NXPE4: variants seen among roughly 807,000 people sequenced by gnomAD.
The protein encoded by NXPE4 is NXPE family member 4.
A neutral mutation model predicts 33.3 loss-of-function variants in NXPE4; 42 were observed. The ratio of observed to expected loss-of-function variants is 1.26; its 90% CI spans 0.98 to 1.63. The LOEUF is 1.63. NXPE4 is among the 40% of genes most tolerant of loss of function. NXPE4 has a pLI of 0.00. For synonymous variants in NXPE4, 253 were observed against 234.9 expected, an observed-to-expected ratio of 1.08 and a Z score of -0.71; for missense variants, 709 against 647.6, an observed-to-expected ratio of 1.09 and a Z score of -1.03.
chr11:114,662,039 A>C, the NXPE4 span, among the ~76,000 whole-genome samples: 33 of 152,290 alleles, frequency 2.2e-4, no homozygotes, highest in African/African-American at 7.5e-4. Flanking sequence ...CCGCAAGGAC[A>C]CCAATTTAAC....
the NXPE4 span, among the ~76,000 whole-genome samples, chr11:114,651,493 G>C: frequency 1.3e-5 from 2 of 152,204 alleles, no homozygotes; most frequent in East Asian, 3.8e-4. Flanking sequence ...TTATTGCAAA[G>C]AGCAAAAGAA....
the NXPE4 span, among the ~76,000 whole-genome samples, chr11:114,645,999 G>C: frequency 1.3e-5 from 2 of 152,028 alleles, no homozygotes; most frequent in Non-Finnish European, 1.5e-5. Context: ...ATATCTATTG[G>C]TTAGTACTTC....
At chr11:114,620,169 C>A in the NXPE4 span, among the ~76,000 whole-genome samples, 1 of 151,952 alleles carries the variant, frequency 6.6e-6, no homozygotes, top group Admixed American at 6.6e-5. Flanking sequence ...TAAATATTGC[C>A]TCATGGGTAA....
At chr11:114,671,876 C>T in the NXPE4 span, among the ~76,000 whole-genome samples, 1 of 151,954 alleles carries the variant, frequency 6.6e-6, no homozygotes, top group Admixed American at 6.6e-5. Context: ...TTAGTCTGTT[C>T]TCACACTGCT....
chr11:114,639,640 A>G, the NXPE4 span, among the ~76,000 whole-genome samples: 1 of 144,906 alleles, frequency 6.9e-6, no homozygotes. Context: ...TATTACATAT[A>G]ATTTATTTAT....
chr11:114,673,809 T>C, the NXPE4 span, among the ~76,000 whole-genome samples: 65 of 151,908 alleles, frequency 4.3e-4, 3 homozygotes, highest in East Asian at 9.5e-3. Context: ...CCCACAAAGA[T>C]AGGAAGCCAC....
chr11:114,574,365 G>T (rs1293641701), intron 5 of NXPE4, among the ~76,000 whole-genome samples: 1 of 151,834 alleles, frequency 6.6e-6, no homozygotes, highest in Non-Finnish European at 1.5e-5. Flanking sequence ...GATCAGAGCA[G>T]AAGTAAATGA....
chr11:114,571,353 G>A lies in NXPE4; in HGVS notation c.1220C>T (p.Thr407Ile), dbSNP rs948191602. ...KYCYPLIGSMTYSVKEMEYLT... is the reference protein window; with the variant it reads ...KYCYPLIGSMIYSVKEMEYLT... ...GTACTCCATCTCTTTGACTGAATAG[G>A]TCATTGATCCTATCAAGGGATAACA... Residue 407 changes from threonine (T) to isoleucine (I), a missense_variant, in exon 6 of 6, where the codon ACC becomes ATC. Coordinates refer to ENST00000375478, the MANE Select transcript of NXPE4 (RefSeq NM_001077639.2). 7.4e-6 allele frequency: 12 copies of A among 1,613,864 alleles called. No homozygotes were observed. The highest frequency in any genetic ancestry group is 3.3e-4 in the Middle Eastern group (2 of 6,078).
chr11:114,640,355 T>C, the NXPE4 span, among the ~76,000 whole-genome samples: 2 of 149,522 alleles, frequency 1.3e-5, no homozygotes, highest in Non-Finnish European at 3.0e-5. Context: ...AAATGTAGCA[T>C]ATATATGCTA....
the NXPE4 span, among the ~76,000 whole-genome samples, chr11:114,607,539 T>G: frequency 6.6e-6 from 1 of 152,022 alleles, no homozygotes; most frequent in South Asian, 2.1e-4. Flanking sequence ...TGTTACCCGG[T>G]AGATAATAAG....
chr11:114,670,393 A>AATT, the NXPE4 span, among the ~76,000 whole-genome samples: 1 of 151,974 alleles, frequency 6.6e-6, no homozygotes, highest in African/African-American at 2.4e-5. Flanking sequence ...AGCCCAGCCC[A>AATT]ATTACTAAAC....
the NXPE4 span, among the ~76,000 whole-genome samples, chr11:114,640,518 T>C: frequency 1.3e-5 from 2 of 151,758 alleles, no homozygotes; most frequent in Non-Finnish European, 2.9e-5. Context: ...TTATAGTTCT[T>C]TGAGAAACCT....
the NXPE4 span, among the ~76,000 whole-genome samples, chr11:114,664,955 G>A: frequency 6.6e-6 from 1 of 152,124 alleles, no homozygotes; most frequent in African/African-American, 2.4e-5. Flanking sequence ...AAGCTATGAT[G>A]TTTGGTAGGT....
the NXPE4 span, among the ~76,000 whole-genome samples, chr11:114,654,342 A>AT: frequency 1.2e-4 from 18 of 148,752 alleles, no homozygotes; most frequent in Admixed American, 2.7e-4. Flanking sequence ...GATCCCAACT[A>AT]TTTTTTTTTT....
chr11:114,591,765 A>G (rs993630251), intron 2 of NXPE4, among the ~76,000 whole-genome samples: 12 of 152,202 alleles, frequency 7.9e-5, no homozygotes, highest in Non-Finnish European at 1.8e-4. Context: ...AGGCCCCTGT[A>G]TGATGTTTGC....
At chr11:114,656,803 T>A in the NXPE4 span, among the ~76,000 whole-genome samples, 1 of 152,046 alleles carries the variant, frequency 6.6e-6, no homozygotes, top group Non-Finnish European at 1.5e-5. Flanking sequence ...TAACTAGTAG[T>A]AGTAGTGTTT....
At chr11:114,642,132 G>A in the NXPE4 span, among the ~76,000 whole-genome samples, 20 of 152,106 alleles carry the variant, frequency 1.3e-4, no homozygotes, top group Admixed American at 6.6e-4. Context: ...AGATGATCAA[G>A]ATCAACACTA....
upstream of NXPE4, among the ~76,000 whole-genome samples, chr11:114,598,214 C>A (rs1294610228): frequency 7.7e-6 from 1 of 130,354 alleles, no homozygotes; most frequent in Non-Finnish European, 1.7e-5. Flanking sequence ...CTCCTTTGAC[C>A]CCATGTCTCA....
upstream of NXPE4, among the ~76,000 whole-genome samples, chr11:114,598,044 A>G (rs1565341774): frequency 6.6e-6 from 1 of 152,168 alleles, no homozygotes; most frequent in African/African-American, 2.4e-5. Context: ...CAAGTTAGTT[A>G]CTTCCAAGAT....
Sources: allele counts gnomAD v4.1 joint callset (sites outside exome capture counted in the v4.1 genomes callset), GRCh38; gene constraint gnomAD v4.1.1; transcripts MANE v1.5; gene names NCBI Gene and HGNC (gene_info 2026-07-23, HGNC 2026-07-21).